NOTCH2NLB: variants seen among roughly 807,000 people sequenced by gnomAD.
NOTCH2NLB encodes notch 2 N-terminal like B.
A neutral mutation model predicts 14.8 loss-of-function variants in NOTCH2NLB; 1 was observed. The observed-to-expected ratio is 0.07, with a 90% confidence interval of 0.02 to 0.32. The LOEUF is 0.32. Among genes scored for constraint, NOTCH2NLB ranks in the 10% least tolerant of loss-of-function variants. NOTCH2NLB has a pLI of 1.00. For missense variants in NOTCH2NLB, 11 were observed against 155.0 expected (o/e 0.07, Z 4.93); for synonymous variants, 6 against 57.5 (o/e 0.10, Z 4.05).
chr1:148,637,999 G>A (rs1571104818), intron 2 of NOTCH2NLB, among the ~76,000 whole-genome samples: 1 of 147,734 alleles, frequency 6.8e-6, no homozygotes, highest in African/African-American at 2.5e-5. Flanking sequence ...TCACCGTTGG[G>A]CATTTGGGTT....
At chr1:148,651,144 G>GGAAAA (rs1225742292) in intron 1 of NOTCH2NLB, among the ~76,000 whole-genome samples, 5 of 76,492 alleles carry the variant, frequency 6.5e-5, no homozygotes, top group Admixed American at 3.2e-4. Context: ...CTCTGCCTGA[G>GGAAAA]AAAAAAAAAA....
chr1:148,651,158 A>ATATATATATATATAT (rs1383778431), intron 1 of NOTCH2NLB, among the ~76,000 whole-genome samples: 1 of 81,364 alleles, frequency 1.2e-5, no homozygotes, highest in African/African-American at 5.2e-5. Context: ...AAAAAAAAAA[A>ATATATATATATATAT]AAAAATATAT....
chr1:148,605,060 A>C (rs1210275035), downstream of NOTCH2NLB, among the ~76,000 whole-genome samples: 1 of 139,886 alleles, frequency 7.1e-6, no homozygotes. Context: ...ATGAACATAT[A>C]TTTTTAACCC....
chr1:148,670,549 TATAC>T (rs1165411637), intron 1 of NOTCH2NLB, among the ~76,000 whole-genome samples: 9,284 of 98,166 alleles, frequency 0.095, 365 homozygotes, highest in East Asian at 0.16. Context: ...AATATATATA[TATAC>T]ATATATATAT....
intron 2 of NOTCH2NLB, among the ~76,000 whole-genome samples, chr1:148,638,656 C>T (rs1162992300): frequency 2.7e-5 from 4 of 149,068 alleles, no homozygotes; most frequent in African/African-American, 7.5e-5. Context: ...ATCCAAACAA[C>T]CTATTGTTAA....
chr1:148,638,453 C>T lies in NOTCH2NLB; in HGVS notation c.77+1563G>A, dbSNP rs1222283772. 4.7e-5 allele frequency among the ~76,000 whole-genome samples: 7 copies of T among 148,748 alleles called. 1 individual carries two copies. Among genetic ancestry groups the T allele is most frequent in the Non-Finnish European group, 8.9e-5 (6 of 67,114 alleles). On this transcript the variant is annotated intron_variant, in intron 2 of 4. Coordinates refer to ENST00000593495, the Ensembl canonical transcript of NOTCH2NLB. Reference sequence around the variant, plus strand: ...AAGCAAGCAACTAAGGCACCAAATGCCACAAAAAGACTAAACAAGATTTCA... The same window carrying T: ...AAGCAAGCAACTAAGGCACCAAATGTCACAAAAAGACTAAACAAGATTTCA...
intron 2 of NOTCH2NLB, among the ~76,000 whole-genome samples, chr1:148,622,247 G>C (rs1663896627): frequency 9.8e-6 from 1 of 102,166 alleles, no homozygotes; most frequent in African/African-American, 4.8e-5. Context: ...GCGGGCGCCT[G>C]TAGTCCCAGC....
At chr1:148,693,070 G>C in the NOTCH2NLB span, among the ~76,000 whole-genome samples, 1 of 130,834 alleles carries the variant, frequency 7.6e-6, no homozygotes, top group Non-Finnish European at 1.6e-5. Flanking sequence ...ATTCTCTGCC[G>C]CTAGGAAGAA....
rs1248692549 is a variant in NOTCH2NLB at position 148,679,476 on chromosome 1, G to A, written c.-12C>T. On this transcript the variant is annotated 5_prime_UTR_variant, in exon 1 of 5. Transcript: ENST00000593495. ...CCGATACTCACCATGCGCGGGGGTCGCGCAGCACAGCCAGAGCGCCAGCAG... is the reference window on the plus strand; with the variant it reads ...CCGATACTCACCATGCGCGGGGGTCACGCAGCACAGCCAGAGCGCCAGCAG... 8 of 1,107,446 alleles carry A rather than the reference G, an allele frequency of 7.2e-6. 2 individuals carry two copies. The highest frequency in any genetic ancestry group is 9.3e-6 in the Non-Finnish European group (8 of 861,696). 68.6% of individuals were successfully genotyped at this position (1,107,446 alleles called of 1,614,324 possible). A position where few individuals can be genotyped will look rare whatever the true frequency, so the allele number is the denominator to read the frequency against.
At chr1:148,651,144 G>GGGAAAAAAA (rs1225742292) in intron 1 of NOTCH2NLB, among the ~76,000 whole-genome samples, 1 of 76,510 alleles carries the variant, frequency 1.3e-5, no homozygotes, top group Non-Finnish European at 2.4e-5. Flanking sequence ...CTCTGCCTGA[G>GGGAAAAAAA]AAAAAAAAAA....
the NOTCH2NLB span, among the ~76,000 whole-genome samples, chr1:148,600,587 T>C: frequency 7.4e-6 from 1 of 135,158 alleles, no homozygotes. Flanking sequence ...GAAATGTAAA[T>C]CAAAACCACA....
intron 2 of NOTCH2NLB, among the ~76,000 whole-genome samples, chr1:148,621,374 G>A (rs1236535996): frequency 1.6e-5 from 1 of 61,832 alleles, no homozygotes; most frequent in Non-Finnish European, 2.5e-5. Context: ...ACACACAAAA[G>A]GCCACATATT....
At chr1:148,636,924 A>G (rs1227018121) in intron 2 of NOTCH2NLB, among the ~76,000 whole-genome samples, 1 of 145,928 alleles carries the variant, frequency 6.9e-6, no homozygotes, top group Non-Finnish European at 1.5e-5. Flanking sequence ...GGCCTCACCA[A>G]ATTTTTTCTT....
At chr1:148,712,381 T>A in the NOTCH2NLB span, among the ~76,000 whole-genome samples, 1 of 145,930 alleles carries the variant, frequency 6.9e-6, no homozygotes, top group African/African-American at 2.6e-5. Flanking sequence ...GAAGGAAGAG[T>A]GCAAGGAGTT....
rs1452355419 is a variant in NOTCH2NLB at position 148,609,166 on chromosome 1, T to C, written c.338-1421A>G. ...AACATGCAGGTTTGTTACATATGTA[T>C]ATATGTGCCATGTTGGTGTGCTGCA... On this transcript the variant is annotated intron_variant, in intron 3 of 4. Coordinates refer to ENST00000593495, the Ensembl canonical transcript of NOTCH2NLB. Among the ~76,000 whole-genome samples the C allele has an allele frequency of 2.2e-5, 3 of 137,980 alleles. No individual in the cohort carries two copies. In the East Asian group the frequency reaches 6.0e-4, roughly 27 times the overall value. The allele number at this position is 137,980 out of a possible 152,430, so 90.5% of individuals were successfully genotyped here.
intron 1 of NOTCH2NLB, among the ~76,000 whole-genome samples, chr1:148,649,576 T>C (rs1369967294): frequency 6.7e-6 from 1 of 148,316 alleles, no homozygotes; most frequent in Non-Finnish European, 1.5e-5. Context: ...AGTGGCGCAA[T>C]CTCAGCTCAC....
intron 2 of NOTCH2NLB, among the ~76,000 whole-genome samples, chr1:148,638,541 G>C (rs1285510166): frequency 6.7e-6 from 1 of 148,856 alleles, no homozygotes; most frequent in Non-Finnish European, 1.5e-5. Flanking sequence ...TCCATTCTTA[G>C]AGGAGAATGC....
downstream of NOTCH2NLB, among the ~76,000 whole-genome samples, chr1:148,604,945 C>T (rs1264017198): frequency 9.0e-6 from 1 of 110,998 alleles, no homozygotes; most frequent in Non-Finnish European, 1.8e-5. Context: ...CTGCACAACG[C>T]CATATACACA....
intron 1 of NOTCH2NLB, among the ~76,000 whole-genome samples, chr1:148,645,615 G>T (rs1327646440): frequency 6.8e-6 from 1 of 147,828 alleles, no homozygotes; most frequent in Non-Finnish European, 1.5e-5. Context: ...ATTGAACTCA[G>T]TTCCATTCCT....
Sources: gnomAD v4.1 joint callset for allele counts (sites outside exome capture counted in the v4.1 genomes callset) on GRCh38, gnomAD v4.1.1 for gene constraint, MANE v1.5 for transcripts, NCBI Gene and HGNC (gene_info 2026-07-23, HGNC 2026-07-21) for gene names.